Variants in DSE observed in about 807,000 individuals in gnomAD.
The protein encoded by DSE is dermatan sulfate epimerase.
Under a neutral mutation model 84.4 loss-of-function variants are expected in DSE, and 36 were observed. That is an observed-to-expected ratio of 0.43 (90% CI 0.33 to 0.56). The LOEUF is 0.56. DSE is among the 20% of genes least tolerant of loss of function. The pLI is 0.06. For missense variants in DSE, 862 were observed against 1,169.6 expected, an observed-to-expected ratio of 0.74 and a Z score of 3.84; for synonymous variants, 410 against 430.1, an observed-to-expected ratio of 0.95 and a Z score of 0.58.
Position 116,437,420 on chromosome 6 carries a change from G to A in DSE, c.*75G>A. The A allele has an allele frequency of 1.5e-6, 2 of 1,322,308 alleles. No homozygotes were observed. Among genetic ancestry groups the A allele is most frequent in the Non-Finnish European group, 2.0e-6 (2 of 994,710 alleles). 81.9% of individuals were successfully genotyped at this position (1,322,308 alleles called of 1,614,324 possible). A position where few individuals can be genotyped will look rare whatever the true frequency, so the allele number is the denominator to read the frequency against. ...CAAAAAAAAAAATTTCTTTACCCCA[G>A]ATTATCAGATTTTTTTCCCTCAGAT... On this transcript the variant is annotated 3_prime_UTR_variant, in exon 6 of 6. Transcript: ENST00000644252.
intron 2 of DSE, among the ~76,000 whole-genome samples, chr6:116,310,846 A>G (rs1022902699): frequency 3.9e-5 from 6 of 152,172 alleles, no homozygotes; most frequent in East Asian, 3.8e-4. Context: ...TTCTTTTTCA[A>G]AGGCCCTTCC....
At chr6:116,326,671 G>C (rs190592653) in intron 2 of DSE, among the ~76,000 whole-genome samples, 65 of 152,302 alleles carry the variant, frequency 4.3e-4, no homozygotes, top group Middle Eastern at 3.4e-3. Context: ...TCTGTCAAAT[G>C]TAAGGATATT....
At chr6:116,314,656 A>C (rs13209267) in intron 2 of DSE, among the ~76,000 whole-genome samples, 36,024 of 152,162 alleles carry the variant, frequency 0.24, 5,653 homozygotes, top group Non-Finnish European at 0.36. Context: ...TTTATTCATC[A>C]GATAGTGTTA....
intron 2 of DSE, among the ~76,000 whole-genome samples, chr6:116,339,759 A>C (rs1027086718): frequency 2.0e-5 from 3 of 152,228 alleles, no homozygotes; most frequent in Admixed American, 1.3e-4. Context: ...ACAGGTTTTG[A>C]GATGTCTATT....
At chr6:116,266,597 C>A (rs1772639689) in intron 2 of DSE, among the ~76,000 whole-genome samples, 1 of 152,084 alleles carries the variant, frequency 6.6e-6, no homozygotes, top group Non-Finnish European at 1.5e-5. Flanking sequence ...TTATTTCACT[C>A]ATAATTTACT....
intron 2 of DSE, among the ~76,000 whole-genome samples, chr6:116,274,851 A>C (rs1268073335): frequency 2.0e-5 from 3 of 152,218 alleles, no homozygotes; most frequent in Admixed American, 6.5e-5. Context: ...AAGAAGCTTC[A>C]GGAGGAGAAA....
intron 2 of DSE, among the ~76,000 whole-genome samples, chr6:116,424,145 C>A (rs1191974479): frequency 6.6e-6 from 1 of 152,176 alleles, no homozygotes; most frequent in Non-Finnish European, 1.5e-5. Context: ...TGACATGGTA[C>A]AATGACACAA....
Position 116,441,659 on chromosome 6 carries a change from T to A in DSE, c.*4314T>A, listed in dbSNP as rs968499911. ...AATGTGGTGATCAGGTTAGGCTTTA[T>A]TGATGTCTCCACTTCCATTCTCTGT... On this transcript the variant is annotated 3_prime_UTR_variant, in exon 6 of 6. Transcript: ENST00000644252. 12 of 152,218 alleles carry A rather than the reference T, an allele frequency of 7.9e-5. No individual in the cohort carries two copies. Among genetic ancestry groups the A allele is most frequent in the Admixed American group, 6.5e-5 (1 of 15,280 alleles). The allele number at this position is 152,218 out of a possible 1,614,324, so 9.4% of individuals were successfully genotyped here. A position where few individuals can be genotyped will look rare whatever the true frequency, so the allele number is the denominator to read the frequency against.
intron 2 of DSE, among the ~76,000 whole-genome samples, chr6:116,425,478 T>A: frequency 6.6e-6 from 1 of 152,228 alleles, no homozygotes; most frequent in East Asian, 1.9e-4. Flanking sequence ...AGAATTCTGA[T>A]TGTGAAAGAT....
chr6:116,330,482 T>C (rs761562734), intron 2 of DSE, among the ~76,000 whole-genome samples: 16 of 152,212 alleles, frequency 1.1e-4, no homozygotes, highest in Non-Finnish European at 2.1e-4. Context: ...TTTATTTTAA[T>C]AAGGGAACTC....
chr6:116,334,119 G>A (rs1189677000), intron 2 of DSE, among the ~76,000 whole-genome samples: 4 of 152,146 alleles, frequency 2.6e-5, no homozygotes, highest in African/African-American at 9.7e-5. Context: ...CCCACCATTA[G>A]ATTATAATAT....
rs186404405 is a variant in DSE at position 116,276,533 on chromosome 6, T to A, written c.-54+17566T>A. The A allele has an allele frequency of 1.5e-3, 222 of 152,344 alleles. 1 individual carries two copies. The highest frequency in any genetic ancestry group is 5.1e-3 in the African/African-American group (212 of 41,578). The allele number at this position is 152,344 out of a possible 1,614,324, so 9.4% of individuals were successfully genotyped here. A position where few individuals can be genotyped will look rare whatever the true frequency, so the allele number is the denominator to read the frequency against. On this transcript the variant is annotated intron_variant, in intron 2 of 3. Transcript: ENST00000430252. ...GTCTATTGTGTCCATTTAAGGACTT[T>A]AATGATTCTGTAATTTTTAGTTAAC...
At chr6:116,338,292 G>A (rs1211924211) in intron 2 of DSE, among the ~76,000 whole-genome samples, 7 of 137,674 alleles carry the variant, frequency 5.1e-5, no homozygotes, top group African/African-American at 1.7e-4. Flanking sequence ...GTGCAATCTC[G>A]GCTCACTGCA....
Position 116,433,322 on chromosome 6 carries a change from CT to C in DSE, c.911-18del. ...GTGAAGTTTTCAAAGTATCTTAATT[CT>C]TTCCAACTTATTTCCCTAGGGTTTC... On this transcript the variant is annotated intron_variant, in intron 4 of 5. Transcript: ENST00000644252. The C allele has an allele frequency of 6.5e-7, 1 of 1,549,062 alleles. No individual in the cohort carries two copies. The highest frequency in any genetic ancestry group is 8.7e-7 in the Non-Finnish European group (1 of 1,145,962).
At chr6:116,375,896 G>A (rs920826306) in intron 1 of DSE, among the ~76,000 whole-genome samples, 25 of 151,800 alleles carry the variant, frequency 1.6e-4, no homozygotes, top group Non-Finnish European at 5.9e-5. Flanking sequence ...TCATTTTAGG[G>A]GTATGGAAAT....
chr6:116,407,502 A>G (rs1177181604), intron 2 of DSE, among the ~76,000 whole-genome samples: 1 of 152,202 alleles, frequency 6.6e-6, no homozygotes, highest in Non-Finnish European at 1.5e-5. Flanking sequence ...TAACCTTAGC[A>G]GGTATCTTGG....
chr6:116,362,892 A>G (rs1026501839), intron 2 of DSE, among the ~76,000 whole-genome samples: 1 of 152,222 alleles, frequency 6.6e-6, no homozygotes, highest in African/African-American at 2.4e-5. Flanking sequence ...GGTTTCTTCT[A>G]TTTATAGCTA....
chr6:116,405,909 G>A (rs1369721037), intron 2 of DSE, among the ~76,000 whole-genome samples: 1 of 152,188 alleles, frequency 6.6e-6, no homozygotes, highest in Non-Finnish European at 1.5e-5. Context: ...TAAATAGGAT[G>A]TTCTGCTCAC....
Position 116,444,353 on chromosome 6 carries a change from G to C in DSE, c.*7008G>C, listed in dbSNP as rs974782272. ...TACAATCCTTTAGGGCAGGGATTGT[G>C]TCTCTTGCTCGTTGTATATACATGG... On this transcript the variant is annotated 3_prime_UTR_variant, in exon 6 of 6. Transcript: ENST00000644252. The C allele has an allele frequency of 6.6e-6, 1 of 152,182 alleles. No homozygotes were observed. The highest frequency in any genetic ancestry group is 1.5e-5 in the Non-Finnish European group (1 of 68,040). 9.4% of individuals were successfully genotyped at this position (152,182 alleles called of 1,614,324 possible). A position where few individuals can be genotyped will look rare whatever the true frequency, so the allele number is the denominator to read the frequency against.
Sources: allele counts gnomAD v4.1 joint callset (sites outside exome capture counted in the v4.1 genomes callset), GRCh38; gene constraint gnomAD v4.1.1; transcripts MANE v1.5; gene names NCBI Gene and HGNC (gene_info 2026-07-23, HGNC 2026-07-21).